SAV1: variants seen among roughly 807,000 people sequenced by gnomAD.
SAV1 encodes the protein protein salvador homolog 1.
A neutral mutation model predicts 47.3 loss-of-function variants in SAV1; 23 were observed. That is an observed-to-expected ratio of 0.49 (90% CI 0.35 to 0.69). The LOEUF (loss-of-function observed/expected upper bound fraction) is 0.69, where lower values mean the gene tolerates loss of function less well. SAV1 is among the 30% of genes least tolerant of loss of function. The pLI is 0.01. For missense variants in SAV1, 448 were observed against 457.4 expected (o/e 0.98, Z 0.19); for synonymous variants, 155 against 159.2 (o/e 0.97, Z 0.20).
Position 50,665,454 on chromosome 14 carries a change from C to T in SAV1, c.260G>A (p.Arg87Lys). The stretch of plus-strand genomic sequence containing the variant: ...TGCAGATAATCTGTTGCTTTCTCTT[C>T]TCATTATTTCATGAGGTGTTCTTTG... ...PIQRTPHEIMRRESNRLSAPS... is the reference protein window; with the variant it reads ...PIQRTPHEIMKRESNRLSAPS... Residue 87 changes from arginine (R) to lysine (K), a missense_variant, in exon 2 of 5, where the codon AGA becomes AAA. Coordinates refer to ENST00000324679, the MANE Select transcript of SAV1 (RefSeq NM_021818.4). 6.2e-7 allele frequency: 1 copy of T among 1,613,794 alleles called. No homozygotes were observed. The highest frequency in any genetic ancestry group is 8.5e-7 in the Non-Finnish European group (1 of 1,179,828).
chr14:50,667,575 T>TC (rs1286410181), intron 1 of SAV1: 41 of 498,678 alleles, frequency 8.2e-5, no homozygotes, highest in Non-Finnish European at 1.1e-5. Context: ...TTTAAATGTT[T>TC]CCTACTCTCT....
rs752481080 is a variant in SAV1, at chr14:50,640,820, C to T, written c.880G>A (p.Val294Ile). ...QQTERNQSLL[V>I]PANPYHTAEI... ...GCAGTATGATATGGATTTGCAGGTA[C>T]CAGAAGGGACTGATTTCTTTCAGTT... The change falls in exon 4 of 5, where the codon GTA (valine) becomes ATA (isoleucine). Residue 294 changes from valine to isoleucine, a missense_variant. Physicochemically the swap from Val to Ile is conservative, Grantham distance 29. Transcript: ENST00000324679. 3 of 1,613,798 alleles carry T rather than the reference C, an allele frequency of 1.9e-6. No homozygotes were observed. In the Admixed American group the frequency reaches 5.0e-5, roughly 27 times the overall value.
At chr14:50,649,803 A>C (rs1350669469) in intron 2 of SAV1, among the ~76,000 whole-genome samples, 1 of 152,210 alleles carries the variant, frequency 6.6e-6, no homozygotes, top group Non-Finnish European at 1.5e-5. Context: ...TAGTGTGTTA[A>C]CAGAAGACTG....
chr14:50,651,102 G>A (rs565002357), intron 2 of SAV1, among the ~76,000 whole-genome samples: 143 of 152,000 alleles, frequency 9.4e-4, no homozygotes, highest in Non-Finnish European at 1.7e-3. Flanking sequence ...GCTGACGTGT[G>A]TGAACTCCAA....
intron 3 of SAV1, among the ~76,000 whole-genome samples, chr14:50,644,506 T>A (rs532491244): frequency 6.6e-6 from 1 of 152,320 alleles, no homozygotes; most frequent in South Asian, 2.1e-4. Flanking sequence ...TACAGCAGAA[T>A]CTGATCATAA....
intron 2 of SAV1, among the ~76,000 whole-genome samples, chr14:50,661,627 G>A (rs941158801): frequency 2.0e-5 from 3 of 152,118 alleles, no homozygotes; most frequent in Non-Finnish European, 4.4e-5. Flanking sequence ...TGAGACAAGG[G>A]TCAGATTTCA....
intron 2 of SAV1, among the ~76,000 whole-genome samples, chr14:50,656,002 G>A (rs752637081): frequency 6.6e-6 from 1 of 152,192 alleles, no homozygotes; most frequent in African/African-American, 2.4e-5. Flanking sequence ...CCAAGATCGT[G>A]CCATTGCACT....
chr14:50,648,507 C>T (rs890262383), intron 2 of SAV1, among the ~76,000 whole-genome samples: 8 of 152,232 alleles, frequency 5.3e-5, no homozygotes, highest in East Asian at 3.9e-4. Context: ...TGGCCGGGTG[C>T]GGTGGCTCAT....
At chr14:50,650,971 G>A (rs1056856071) in intron 2 of SAV1, among the ~76,000 whole-genome samples, 2 of 151,814 alleles carry the variant, frequency 1.3e-5, no homozygotes, top group African/African-American at 4.8e-5. Flanking sequence ...GCAGTGAGCC[G>A]AGAGCGCGCC....
intron 2 of SAV1, among the ~76,000 whole-genome samples, chr14:50,658,156 C>T (rs543457601): frequency 6.6e-6 from 1 of 152,184 alleles, no homozygotes; most frequent in Non-Finnish European, 1.5e-5. Context: ...AGATTATCAA[C>T]CCCTCCTCAA....
chr14:50,645,625 A>T (rs923352591), intron 2 of SAV1, among the ~76,000 whole-genome samples: 22 of 152,134 alleles, frequency 1.4e-4, no homozygotes, highest in African/African-American at 5.3e-4. Flanking sequence ...TTTTGGGGTA[A>T]GGGATAATCA....
chr14:50,647,629 T>C (rs2039733790), intron 2 of SAV1, among the ~76,000 whole-genome samples: 1 of 152,056 alleles, frequency 6.6e-6, no homozygotes, highest in Non-Finnish European at 1.5e-5. Context: ...GGTAAGAATT[T>C]TTAACAGGCA....
rs961212455 is a variant in SAV1 at position 50,640,750 on chromosome 14, T to G, written c.950A>C (p.Lys317Thr). 2.6e-5 allele frequency: 42 copies of G among 1,612,082 alleles called. No homozygotes were observed. Among genetic ancestry groups the G allele is most frequent in the Non-Finnish European group, 3.2e-5 (38 of 1,178,912 alleles). ...AAATTTGTGTTGTAAATGTACTTACTTCACAGGGGCTCGTGCGTAAACCTG... is the reference window on the plus strand; with the variant it reads ...AAATTTGTGTTGTAAATGTACTTACGTCACAGGGGCTCGTGCGTAAACCTG... ...WLQVYARAPV[K>T]YDHILKWELF... The change falls in exon 4 of 5, where the codon AAA (lysine) becomes ACA (threonine). Residue 317 changes from lysine (K) to threonine (T), a missense_variant and splice_region_variant. Physicochemically the swap from Lys to Thr is moderately conservative, Grantham distance 78. Transcript: ENST00000324679.
chr14:50,659,665 T>C (rs899985546), intron 2 of SAV1, among the ~76,000 whole-genome samples: 1 of 152,146 alleles, frequency 6.6e-6, no homozygotes, highest in African/African-American at 2.4e-5. Flanking sequence ...TGGGCAACAC[T>C]GAAATTCAGT....
chr14:50,641,314 A>T (rs889540890), intron 3 of SAV1, among the ~76,000 whole-genome samples: 1 of 152,168 alleles, frequency 6.6e-6, no homozygotes, highest in Non-Finnish European at 1.5e-5. Flanking sequence ...CAATGCAGAT[A>T]ACTTTTCAAC....
chr14:50,641,312 A>G (rs933716616), intron 3 of SAV1, among the ~76,000 whole-genome samples: 1 of 152,160 alleles, frequency 6.6e-6, no homozygotes, highest in East Asian at 1.9e-4. Flanking sequence ...TCCAATGCAG[A>G]TAACTTTTCA....
At chr14:50,655,775 T>C (rs2039807197) in intron 2 of SAV1, among the ~76,000 whole-genome samples, 1 of 151,972 alleles carries the variant, frequency 6.6e-6, no homozygotes, top group Non-Finnish European at 1.5e-5. Context: ...GGGCCAGGTG[T>C]GGTGGCTCAT....
At chr14:50,639,252 T>C (rs1280726588) in intron 4 of SAV1, among the ~76,000 whole-genome samples, 1 of 152,196 alleles carries the variant, frequency 6.6e-6, no homozygotes, top group African/African-American at 2.4e-5. Flanking sequence ...CTGTGAGAGA[T>C]AGGATTAAAG....
At chr14:50,640,201 C>T (rs2039670236) in intron 4 of SAV1, among the ~76,000 whole-genome samples, 1 of 152,208 alleles carries the variant, frequency 6.6e-6, no homozygotes, top group Non-Finnish European at 1.5e-5. Context: ...TCAGGCTGAA[C>T]TTGAACTCCT....
Sources: gnomAD v4.1 joint callset for allele counts (sites outside exome capture counted in the v4.1 genomes callset) on GRCh38, gnomAD v4.1.1 for gene constraint, MANE v1.5 for transcripts, NCBI Gene and HGNC (gene_info 2026-07-23, HGNC 2026-07-21) for gene names.